The following BBX variants were observed in gnomAD, a reference collection of about 807,000 sequenced individuals.
BBX encodes HMG box transcription factor BBX.
Under a neutral mutation model 100.2 loss-of-function variants are expected in BBX, and 30 were observed. That is an observed-to-expected ratio of 0.30 (90% confidence interval 0.22 to 0.41). The LOEUF (loss-of-function observed/expected upper bound fraction) is 0.41, where lower values mean the gene tolerates loss of function less well. Ranked by LOEUF, BBX falls within the 10% of genes least tolerant of loss-of-function variation. The probability of loss-of-function intolerance (pLI) is 1.00; values close to 1 mark genes in which losing one functional copy is unlikely to be tolerated. For missense variants in BBX, 1,023 were observed against 1,129.8 expected, an observed-to-expected ratio of 0.91 and a Z score of 1.35; for synonymous variants, 376 against 388.1, an observed-to-expected ratio of 0.97 and a Z score of 0.37.
At chr3:107,752,004 TTTAA>T (rs1249003945) in intron 9 of BBX, among the ~76,000 whole-genome samples, 1 of 152,244 alleles carries the variant, frequency 6.6e-6, no homozygotes, top group Non-Finnish European at 1.5e-5. Flanking sequence ...AACTGTTGTC[TTTAA>T]TTATTTAACA....
chr3:107,566,107 G>A (rs947291662), intron 2 of BBX, among the ~76,000 whole-genome samples: 3 of 147,262 alleles, frequency 2.0e-5, no homozygotes, highest in Non-Finnish European at 3.0e-5. Context: ...CTCGGGAGGC[G>A]GAGGTTGCAG....
chr3:107,647,182 A>G (rs2057568431), intron 3 of BBX, among the ~76,000 whole-genome samples: 1 of 152,146 alleles, frequency 6.6e-6, no homozygotes. Flanking sequence ...AGACTATGGA[A>G]TTTTCAAAAA....
At chr3:107,582,090 G>A (rs984774753) in intron 2 of BBX, among the ~76,000 whole-genome samples, 5 of 151,610 alleles carry the variant, frequency 3.3e-5, no homozygotes, top group Non-Finnish European at 5.9e-5. Flanking sequence ...TAGCTTGCTA[G>A]GGCATCCAAT....
chr3:107,638,740 G>T (rs2056997574), intron 2 of BBX, among the ~76,000 whole-genome samples: 1 of 139,164 alleles, frequency 7.2e-6, no homozygotes, highest in Non-Finnish European at 1.5e-5. Flanking sequence ...GGGTAACGTG[G>T]AGAAACCACT....
At chr3:107,608,851 TTC>T (rs1445463733) in intron 2 of BBX, among the ~76,000 whole-genome samples, 1 of 152,246 alleles carries the variant, frequency 6.6e-6, no homozygotes. Context: ...CTTTTTTGAC[TTC>T]TTTTTCAGAT....
At chr3:107,659,895 C>T in intron 3 of BBX, 1 of 421,378 alleles carries the variant, frequency 2.4e-6, no homozygotes, top group Non-Finnish European at 3.9e-6. Context: ...TATAATATGA[C>T]AGATTCCCTT....
chr3:107,683,805 T>G (rs1400159546), intron 3 of BBX, among the ~76,000 whole-genome samples: 1 of 152,142 alleles, frequency 6.6e-6, no homozygotes, highest in African/African-American at 2.4e-5. Flanking sequence ...TTTCTATCTA[T>G]GTGTCTATCA....
In BBX at chr3:107,620,935, T is replaced by A. The variant is rs1173614725; in HGVS notation, c.-83-24901T>A. On this transcript the variant is annotated intron_variant, in intron 2 of 17. Transcript: ENST00000325805. ...CGCCACATGATTGATTTCTGCGGAGTGTGTGTGTGGGGGGGTGGGGGGAGA... is the reference window on the plus strand; with the variant it reads ...CGCCACATGATTGATTTCTGCGGAGAGTGTGTGTGGGGGGGTGGGGGGAGA... 1.8e-4 allele frequency among the ~76,000 whole-genome samples: 14 copies of A among 77,688 alleles called. No individual in the cohort carries two copies. The East Asian group carries it at 3.0e-3, about 17-fold the overall frequency. 51.0% of individuals were successfully genotyped at this position (77,688 alleles called of 152,430 possible).
chr3:107,798,437 C>T, intron 15 of BBX, 86 bp from the exon 16 acceptor site: 1 of 1,288,976 alleles, frequency 7.8e-7, no homozygotes, highest in Non-Finnish European at 1.1e-6. Context: ...TCAGACGGGT[C>T]AGAAATTTAG....
chr3:107,647,350 CAGAAAAACTAAGTA>C (rs1025051555), intron 3 of BBX, among the ~76,000 whole-genome samples: 2 of 152,220 alleles, frequency 1.3e-5, no homozygotes, highest in Admixed American at 1.3e-4. Context: ...CTGACCTGTT[CAGAAAAACTAAGTA>C]ATGAACCAAG....
chr3:107,571,673 C>T lies in BBX; in HGVS notation c.-84+45275C>T, dbSNP rs190819168. Among the ~76,000 whole-genome samples, 5 of 152,320 alleles carry T rather than the reference C, an allele frequency of 3.3e-5. No homozygotes were observed. The East Asian group carries it at 9.7e-4, about 29-fold the overall frequency. ...AGGGCGAGGACAGGGGACTGGTCTC[C>T]CGAAGGAGTCCTCCTGTCCCAGGTC... is the stretch of plus-strand genomic sequence containing the variant. On this transcript the variant is annotated intron_variant, in intron 2 of 17. Coordinates refer to ENST00000325805, the MANE Select transcript of BBX (RefSeq NM_001142568.3).
chr3:107,726,467 T>G (rs943666954), intron 5 of BBX, among the ~76,000 whole-genome samples: 1 of 149,188 alleles, frequency 6.7e-6, no homozygotes, highest in African/African-American at 2.4e-5. Flanking sequence ...AATTTATACT[T>G]GATGGAACTA....
At chr3:107,748,407 T>C (rs184854962) in intron 9 of BBX, among the ~76,000 whole-genome samples, 17 of 152,348 alleles carry the variant, frequency 1.1e-4, no homozygotes, top group African/African-American at 3.8e-4. Context: ...GATGCTATAA[T>C]TCATGAATGA....
intron 2 of BBX, among the ~76,000 whole-genome samples, chr3:107,620,952 G>A (rs1221624780): frequency 2.0e-5 from 3 of 149,796 alleles, no homozygotes; most frequent in Non-Finnish European, 3.0e-5. Flanking sequence ...GTGGGGGGGT[G>A]GGGGGAGAAA....
At chr3:107,537,943 TA>T (rs2048611770) in intron 2 of BBX, among the ~76,000 whole-genome samples, 1 of 152,222 alleles carries the variant, frequency 6.6e-6, no homozygotes. Context: ...ACATCAGTAA[TA>T]ACCCCAATGT....
chr3:107,592,250 C>A (rs1020574996), intron 2 of BBX, among the ~76,000 whole-genome samples: 1 of 150,122 alleles, frequency 6.7e-6, no homozygotes, highest in African/African-American at 2.5e-5. Flanking sequence ...ACGTGTGGTT[C>A]CAGCTACTCA....
At chr3:107,567,448 G>A (rs1559820468) in intron 2 of BBX, among the ~76,000 whole-genome samples, 1 of 152,024 alleles carries the variant, frequency 6.6e-6, no homozygotes, top group East Asian at 1.9e-4. Flanking sequence ...GATAATTGGT[G>A]ATTGTTATCC....
At chr3:107,765,232 A>G (rs2066288948) in intron 10 of BBX, among the ~76,000 whole-genome samples, 1 of 152,194 alleles carries the variant, frequency 6.6e-6, no homozygotes, top group Admixed American at 6.5e-5. Context: ...GCTCTGTACT[A>G]GGCACTATTT....
chr3:107,653,544 A>G (rs556299336), intron 3 of BBX, among the ~76,000 whole-genome samples: 51 of 152,300 alleles, frequency 3.3e-4, no homozygotes, highest in African/African-American at 1.2e-3. Context: ...GATAGACAAG[A>G]ATATTGTGTT....
Sources: gnomAD v4.1 joint callset for allele counts (sites outside exome capture counted in the v4.1 genomes callset) on GRCh38, gnomAD v4.1.1 for gene constraint, MANE v1.5 for transcripts, NCBI Gene and HGNC (gene_info 2026-07-23, HGNC 2026-07-21) for gene names.